Variants in TMC6 observed in about 807,000 individuals in gnomAD.
TMC6 encodes the protein transmembrane channel like 6, also known as transmembrane channel-like protein 6.
A neutral mutation model predicts 95.4 loss-of-function variants in TMC6; 71 were observed. That is an observed-to-expected ratio of 0.74 (90% CI 0.61 to 0.91). TMC6 has a LOEUF of 0.91. Among genes scored for constraint, TMC6 ranks in the 40% least tolerant of loss-of-function variants. The pLI is 0.00. For missense variants in TMC6, 1,074 were observed against 1,079.1 expected, an observed-to-expected ratio of 1.00 and a Z score of 0.07; for synonymous variants, 514 against 483.1, an observed-to-expected ratio of 1.06 and a Z score of -0.84.
Position 78,124,598 on chromosome 17 carries a change from G to A in TMC6, c.817C>T (p.Pro273Ser), listed in dbSNP as rs914822355. 8 of 1,612,304 alleles carry A rather than the reference G, an allele frequency of 5.0e-6. No homozygotes were observed. The African/African-American group carries it at 1.1e-4, about 22-fold the overall frequency. Residue 273 changes from proline (P) to serine (S), a missense_variant, in exon 8 of 20, where the codon CCT becomes TCT. Coordinates refer to ENST00000590602, the MANE Select transcript of TMC6 (RefSeq NM_001127198.5). Reference protein sequence around the residue: ...LLLLVAFIMGPQVAFPPALPG... With the variant: ...LLLLVAFIMGSQVAFPPALPG... ...AGGGCGGGTGGGAAGGCGACCTGAG[G>A]GCCCATGATGAAGGCCACCAGCAGC... is the stretch of plus-strand genomic sequence containing the variant.
intron 18 of TMC6, among the ~76,000 whole-genome samples, chr17:78,115,971 T>C (rs1281911923): frequency 6.6e-6 from 1 of 151,788 alleles, no homozygotes; most frequent in East Asian, 1.9e-4. Flanking sequence ...GGGGGCTGCC[T>C]CTCCGGTATG....
upstream of TMC6, chr17:78,131,671 G>A: frequency 6.4e-7 from 1 of 1,570,558 alleles, no homozygotes; most frequent in Non-Finnish European, 8.6e-7. Flanking sequence ...GAGATGGAGC[G>A]GCTGCGCGGC....
At chr17:78,132,359 G>T, upstream of TMC6, 2 of 1,612,854 alleles carry the variant, frequency 1.2e-6, no homozygotes, top group Non-Finnish European at 8.5e-7. Context: ...CCCACTGCAG[G>T]CCTCTTCGGC....
rs571970558 is a variant in TMC6 at position 78,122,850 on chromosome 17, C to T, written c.1083-101G>A. On this transcript the variant is annotated intron_variant, in intron 9 of 19. Coordinates refer to ENST00000590602, the MANE Select transcript of TMC6 (RefSeq NM_001127198.5). This position sits in a 1 kb window ranked among gnomAD's most constrained non-coding sequence, Gnocchi z 4.9. ...GCTCTGGGCAGCCAGACCCCACCAC[C>T]CACTCAGGAGCCATCTGGGCCCTGA... The T allele has an allele frequency of 6.6e-7, 1 of 1,522,332 alleles. No homozygotes were observed. The highest frequency in any genetic ancestry group is 1.2e-5 in the South Asian group (1 of 83,604). 94.3% of individuals were successfully genotyped at this position (1,522,332 alleles called of 1,614,324 possible).
chr17:78,124,525 G>T lies in TMC6; in HGVS notation c.890C>A (p.Ala297Glu). Reference sequence around the variant, plus strand: ...CCCCCAGTCCTAGGGCTTCCTCACCGCGCCTGTGAGGAGCTCCAGGCCTGT... The same window carrying T: ...CCCCCAGTCCTAGGGCTTCCTCACCTCGCCTGTGAGGAGCTCCAGGCCTGT... ...VCTGLELLTGAGCFTHTVMYY... is the reference protein window; with the variant it reads ...VCTGLELLTGEGCFTHTVMYY... Residue 297 changes from alanine to glutamate, a missense_variant and splice_region_variant, in exon 8 of 20, where the codon GCG becomes GAG. Transcript: ENST00000590602. 6.2e-7 allele frequency: 1 copy of T among 1,610,036 alleles called. No individual in the cohort carries two copies. The highest frequency in any genetic ancestry group is 8.5e-7 in the Non-Finnish European group (1 of 1,179,778).
Position 78,109,564 on chromosome 17 carries a change from G to A in TMC6, c.*3584C>T, listed in dbSNP as rs1052934657. On this transcript the variant is annotated 3_prime_UTR_variant, in exon 20 of 20. Transcript: ENST00000590602. ...GAGGATCACCTGAGCCCAGGAGGTC[G>A]AGGCTGCAGTGAGCTGTGATCGTGC... 2.4e-5 allele frequency: 11 copies of A among 455,060 alleles called. No homozygotes were observed. Among genetic ancestry groups the A allele is most frequent in the Admixed American group, 7.1e-5 (3 of 42,456 alleles). 28.2% of individuals were successfully genotyped at this position (455,060 alleles called of 1,614,324 possible). A position where few individuals can be genotyped will look rare whatever the true frequency, so the allele number is the denominator to read the frequency against.
chr17:78,121,020 T>C lies in TMC6; in HGVS notation c.1528A>G (p.Ile510Val). 1.2e-6 allele frequency: 2 copies of C among 1,613,330 alleles called. No homozygotes were observed. Among genetic ancestry groups the C allele is most frequent in the South Asian group, 2.2e-5 (2 of 91,088 alleles). ...DSPVLEVYVA[I>V]CRNLILKLAI... ...TCATGTGCGGCCACACACCTGCAGA[T>C]GGCCACGTACACCTCCAGTACCGGG... Residue 510 changes from isoleucine to valine, a missense_variant, in exon 12 of 20, where the codon ATC (isoleucine) becomes GTC (valine). Physicochemically the swap from Ile to Val is conservative, Grantham distance 29. Transcript: ENST00000590602. This position sits in a 1 kb window ranked among gnomAD's most constrained non-coding sequence, Gnocchi z 5.6.
At chr17:78,115,332 G>A (rs567912416) in intron 18 of TMC6, among the ~76,000 whole-genome samples, 1 of 152,322 alleles carries the variant, frequency 6.6e-6, no homozygotes, top group Non-Finnish European at 1.5e-5. Context: ...CGCCCCCCTA[G>A]CCCTGGTGTG....
chr17:78,123,072 T>C (rs891660539), intron 9 of TMC6: 2 of 464,242 alleles, frequency 4.3e-6, no homozygotes, highest in Non-Finnish European at 8.0e-6. Flanking sequence ...CTGGTCCCAA[T>C]GACCAAAACA....
At position 78,109,586 on chromosome 17, in the gene TMC6, G is replaced by A. The variant is rs899670588; in HGVS notation, c.*3562C>T. ...GTCGAGGCTGCAGTGAGCTGTGATC[G>A]TGCCACTGTGCTCCGGGATGGGCAA... On this transcript the variant is annotated 3_prime_UTR_variant, in exon 20 of 20. Coordinates refer to ENST00000590602, the MANE Select transcript of TMC6 (RefSeq NM_001127198.5). 2.2e-5 allele frequency: 10 copies of A among 455,506 alleles called. No homozygotes were observed. Among genetic ancestry groups the A allele is most frequent in the Non-Finnish European group, 4.0e-5 (9 of 226,708 alleles). The allele number at this position is 455,506 out of a possible 1,614,324, so 28.2% of individuals were successfully genotyped here.
chr17:78,119,031 GAA>G lies in TMC6; in HGVS notation c.1825_1826del (p.Phe609LeufsTer151). On this transcript the variant is annotated frameshift_variant, in exon 15 of 20. Coordinates refer to ENST00000590602, the MANE Select transcript of TMC6 (RefSeq NM_001127198.5). LOFTEE classifies it high-confidence loss of function. ...GQTLTWLGVL[F>X]SPLLPAVQII... is the part of the protein sequence containing the mutation. ...TCTGCACGGCGGGGAGGAGGGGCGA[GAA>G]GAGCACCCCCAGCCTGGGGAGGGGG... is the stretch of plus-strand genomic sequence containing the variant. 6.3e-7 allele frequency: 1 copy of G among 1,599,860 alleles called. No individual in the cohort carries two copies. The highest frequency in any genetic ancestry group is 8.5e-7 in the Non-Finnish European group (1 of 1,173,560).
chr17:78,122,687 G>C lies in TMC6; in HGVS notation c.1145C>G (p.Thr382Ser), dbSNP rs779530785. 2 of 1,611,814 alleles carry C rather than the reference G, an allele frequency of 1.2e-6. No individual in the cohort carries two copies. Among genetic ancestry groups the C allele is most frequent in the East Asian group, 2.2e-5 (1 of 44,830 alleles). ...VGSTSGIHAITVFCSWDYKVT... is the reference protein window; with the variant it reads ...VGSTSGIHAISVFCSWDYKVT... The stretch of plus-strand genomic sequence containing the variant: ...CTTGTAGTCCCAGGAGCAGAAGACG[G>C]TGATGGCGTGGATGCCAGAGGTGCT... The change falls in exon 10 of 20, where the codon ACC (threonine) becomes AGC (serine). Residue 382 changes from threonine (T) to serine (S), a missense_variant. Transcript: ENST00000590602. This position sits in a 1 kb window ranked among gnomAD's most constrained non-coding sequence, Gnocchi z 4.9.
chr17:78,113,720 G>T, intron 18 of TMC6, 96 bp from the exon 19 acceptor site: 1 of 1,298,258 alleles, frequency 7.7e-7, no homozygotes, highest in Non-Finnish European at 1.1e-6. Context: ...AACTCACGAG[G>T]TGTATTCAAC....
intron 18 of TMC6, among the ~76,000 whole-genome samples, chr17:78,115,322 C>T (rs1020073315): frequency 1.1e-4 from 17 of 152,212 alleles, no homozygotes; most frequent in Admixed American, 3.3e-4. Flanking sequence ...TCCCCACAAG[C>T]GCCCCCCTAG....
intron 18 of TMC6, among the ~76,000 whole-genome samples, chr17:78,114,720 G>A (rs1036782682): frequency 2.0e-5 from 3 of 152,084 alleles, no homozygotes; most frequent in African/African-American, 4.8e-5. Context: ...AGAGACCATG[G>A]GCCCCTTAAG....
Position 78,109,513 on chromosome 17 carries a change from AGCAG to A in TMC6, c.*3631_*3634del, listed in dbSNP as rs1187802155. The A allele has an allele frequency of 6.6e-6, 3 of 456,624 alleles. No homozygotes were observed. The highest frequency in any genetic ancestry group is 1.4e-4 in the East Asian group (2 of 14,392). The allele number at this position is 456,624 out of a possible 1,614,324, so 28.3% of individuals were successfully genotyped here. On this transcript the variant is annotated 3_prime_UTR_variant, in exon 20 of 20. Coordinates refer to ENST00000590602, the MANE Select transcript of TMC6 (RefSeq NM_001127198.5). ...GCCCCAGGTCATCATGAAAACCAGA[AGCAG>A]ACACTCAGGAGGCTGAGGCGGGAGG... is the stretch of plus-strand genomic sequence containing the variant.
intron 5 of TMC6, 148 bp from the exon 6 acceptor site, chr17:78,125,411 G>GT: frequency 2.4e-6 from 2 of 822,444 alleles, no homozygotes; most frequent in Non-Finnish European, 2.0e-6. Context: ...CCAATCAGCC[G>GT]TGTGTTTGCT....
Position 78,126,535 on chromosome 17 carries a change from C to A in TMC6, c.170G>T (p.Arg57Leu). 2 of 1,613,628 alleles carry A rather than the reference C, an allele frequency of 1.2e-6. No individual in the cohort carries two copies. Among genetic ancestry groups the A allele is most frequent in the Non-Finnish European group, 1.7e-6 (2 of 1,180,012 alleles). Residue 57 changes from arginine (R) to leucine (L), a missense_variant, in exon 3 of 20, where the codon CGG (arginine) becomes CTG (leucine). By Grantham distance (102) the Arg-to-Leu change is moderately radical. Transcript: ENST00000590602. The part of the protein sequence containing the change: ...QEGLELQQRE[R>L]EVTGSSQQTL... ...AGGCCTGAGCTCACCTGTCACCTCC[C>A]GCTCTCTCTGCTGCAGCTCCAGCCC...
upstream of TMC6, chr17:78,131,808 G>C (rs1568012157): frequency 1.3e-6 from 2 of 1,517,590 alleles, no homozygotes; most frequent in Non-Finnish European, 1.8e-6. Context: ...GATGGTGTGG[G>C]AGCACCCCGT....
Sources: gnomAD v4.1 joint callset for allele counts (sites outside exome capture counted in the v4.1 genomes callset) on GRCh38, gnomAD v4.1.1 for gene constraint, Gnocchi (gnomAD v3.1) non-coding constraint, MANE v1.5 for transcripts, NCBI Gene and HGNC (gene_info 2026-07-23, HGNC 2026-07-21) for gene names.